PLAA: variants seen among roughly 807,000 people sequenced by gnomAD.
The protein encoded by PLAA is phospholipase A2 activating protein, also known as phospholipase A-2-activating protein.
In PLAA, 48 loss-of-function variants were observed where a neutral mutation model predicts 84.1. The ratio of observed to expected loss-of-function variants is 0.57; its 90% CI spans 0.45 to 0.73. PLAA has a LOEUF of 0.73. Among genes scored for constraint, PLAA ranks in the 30% least tolerant of loss-of-function variants. The pLI, the probability that PLAA is intolerant of heterozygous loss-of-function variation, is 0.00. For synonymous variants in PLAA, 392 were observed against 336.6 expected (o/e 1.16, Z -1.80); for missense variants, 903 against 954.7 (o/e 0.95, Z 0.71).
intron 1 of PLAA, among the ~76,000 whole-genome samples, chr9:26,939,484 C>CA (rs58833364): frequency 0.02 from 1,560 of 76,744 alleles, 18 homozygotes; most frequent in African/African-American, 0.024. Flanking sequence ...GATGAGAGAC[C>CA]AAAAAAAAAA....
rs1455623501 is a variant in PLAA at position 26,928,182 on chromosome 9, A to C, written c.483T>G (p.Pro161=). ...ATCCAGTCAACATTAAGCCCTGTTC[A>C]GGTAAGATCTTTACCGCCCACACTG... ...TAAVWAVKIL[P]EQGLMLTGSA... The change falls in exon 4 of 14, where the codon CCT becomes CCG. Residue 161 remains proline, a synonymous_variant. Transcript: ENST00000397292. 1.2e-6 allele frequency: 2 copies of C among 1,614,196 alleles called. No homozygotes were observed. Among genetic ancestry groups the C allele is most frequent in the South Asian group, 2.2e-5 (2 of 91,084 alleles).
chr9:26,919,251 C>A, intron 9 of PLAA, 59 bp downstream of exon 9: 1 of 1,066,502 alleles, frequency 9.4e-7, no homozygotes, highest in Non-Finnish European at 1.4e-6. Context: ...TTGAAAACAT[C>A]AAAAAAATCA....
chr9:26,916,889 T>C (rs1000717723), intron 10 of PLAA, among the ~76,000 whole-genome samples: 3 of 151,888 alleles, frequency 2.0e-5, no homozygotes, highest in African/African-American at 7.3e-5. Context: ...TCTAATAATA[T>C]GCTATTTAAA....
chr9:26,934,953 T>A (rs987775083), intron 2 of PLAA, 60 bp downstream of exon 2: 1 of 1,255,582 alleles, frequency 8.0e-7, no homozygotes, highest in African/African-American at 1.6e-5. Context: ...GATATGTAAA[T>A]TTTACTTTCA....
At chr9:26,919,641 T>C (rs1022493675) in intron 8 of PLAA, 112 bp from the exon 9 acceptor site, 43 of 659,048 alleles carry the variant, frequency 6.5e-5, no homozygotes, top group Non-Finnish European at 7.8e-6. Context: ...ACTTAAACTT[T>C]CTCCAAAGTG....
chr9:26,905,641 A>G lies in PLAA; in HGVS notation c.2258T>C (p.Ile753Thr), dbSNP rs772205410. 11 of 1,614,072 alleles carry G rather than the reference A, an allele frequency of 6.8e-6. No homozygotes were observed. The highest frequency in any genetic ancestry group is 1.3e-5 in the African/African-American group (1 of 74,940). Reference protein sequence around the residue: ...FRLLVALGTLISDDSNAVQLA... With the variant: ...FRLLVALGTLTSDDSNAVQLA... ...TTGTACAGCATTTGAATCATCACTGATAAGTGTTCCAAGAGCCACAAGAAG... is the reference window on the plus strand; with the variant it reads ...TTGTACAGCATTTGAATCATCACTGGTAAGTGTTCCAAGAGCCACAAGAAG... Residue 753 changes from isoleucine (I) to threonine (T), a missense_variant, in exon 14 of 14, where the codon ATC (isoleucine) becomes ACC (threonine). Transcript: ENST00000397292.
At chr9:26,929,829 T>C (rs904389680) in intron 2 of PLAA, among the ~76,000 whole-genome samples, 2 of 152,162 alleles carry the variant, frequency 1.3e-5, no homozygotes, top group African/African-American at 2.4e-5. Context: ...GAGGAGACTT[T>C]TGGATTGTTT....
chr9:26,915,705 C>T, intron 10 of PLAA: 1 of 984,632 alleles, frequency 1.0e-6, no homozygotes, highest in Non-Finnish European at 1.2e-6. Context: ...ATTGTGTATG[C>T]TATCTTGCAT....
At chr9:26,922,735 C>T (rs375610276) in intron 7 of PLAA, among the ~76,000 whole-genome samples, 2 of 150,236 alleles carry the variant, frequency 1.3e-5, no homozygotes, top group Admixed American at 6.7e-5. Context: ...GGTGTGGTGT[C>T]GGCTCACCGC....
Position 26,926,375 on chromosome 9 carries a change from A to G in PLAA, c.733+18T>C. 1 of 1,490,490 alleles carries G rather than the reference A, an allele frequency of 6.7e-7. No individual in the cohort carries two copies. The highest frequency in any genetic ancestry group is 9.3e-7 in the Non-Finnish European group (1 of 1,069,872). 92.3% of individuals were successfully genotyped at this position (1,490,490 alleles called of 1,614,324 possible). On this transcript the variant is annotated intron_variant, in intron 5 of 13. Coordinates refer to ENST00000397292, the MANE Select transcript of PLAA (RefSeq NM_001031689.3). ...GCTCAATACAAAACATTAAATAAAT[A>G]GCATAAAATAATCTTACCTCTACAA...
rs1412916371 is a variant in PLAA, at chr9:26,905,272, T to C, written c.*239A>G. On this transcript the variant is annotated 3_prime_UTR_variant, in exon 14 of 14. Transcript: ENST00000397292. ...TCATTGTCATTGTGTTGTTGCTGAT[T>C]ATAGCTTATTTTAAATTTGTGTTCA... 6.3e-6 allele frequency: 3 copies of C among 474,832 alleles called. No homozygotes were observed. Among genetic ancestry groups the C allele is most frequent in the Admixed American group, 7.7e-5 (2 of 25,824 alleles). The allele number at this position is 474,832 out of a possible 1,614,324, so 29.4% of individuals were successfully genotyped here.
Position 26,910,782 on chromosome 9 carries a change from G to A in PLAA, c.1556-343C>T, listed in dbSNP as rs76725609. Among the ~76,000 whole-genome samples the A allele has an allele frequency of 1.2e-3, 177 of 151,644 alleles. No individual in the cohort carries two copies. The East Asian group carries it at 0.022, about 19-fold the overall frequency. ...AAGCAATCCTCCCACCTCAGCCTCC[G>A]AAAGTGCTGGGATTACAGGTGTGAG... On this transcript the variant is annotated intron_variant, in intron 11 of 13. Transcript: ENST00000397292.
intron 2 of PLAA, among the ~76,000 whole-genome samples, chr9:26,930,800 C>T (rs1455959439): frequency 1.3e-5 from 2 of 151,398 alleles, no homozygotes; most frequent in African/African-American, 4.9e-5. Context: ...TCAGGCTGGT[C>T]GTGAACTCCT....
intron 11 of PLAA, among the ~76,000 whole-genome samples, chr9:26,911,427 A>C (rs563582013): frequency 6.6e-6 from 1 of 152,222 alleles, no homozygotes; most frequent in Admixed American, 6.5e-5. Flanking sequence ...CTGGGATTAC[A>C]GGCATAAGCC....
At chr9:26,911,509 G>A (rs116229523) in intron 11 of PLAA, among the ~76,000 whole-genome samples, 10,477 of 152,066 alleles carry the variant, frequency 0.069, 499 homozygotes, top group African/African-American at 0.13. Context: ...GGCTGGTCTC[G>A]AACTCCTGAC....
At chr9:26,943,637 T>A (rs1236740185) in intron 1 of PLAA, among the ~76,000 whole-genome samples, 1 of 152,160 alleles carries the variant, frequency 6.6e-6, no homozygotes, top group African/African-American at 2.4e-5. Flanking sequence ...TTATAGCATT[T>A]CATTAACTCT....
At chr9:26,919,172 C>T in intron 9 of PLAA, 138 bp downstream of exon 9, 1 of 522,308 alleles carries the variant, frequency 1.9e-6, no homozygotes, top group Non-Finnish European at 3.4e-6. Context: ...GAGGCTTAAA[C>T]ATATGAATGT....
intron 13 of PLAA, 94 bp downstream of exon 13, chr9:26,907,740 A>C: frequency 9.0e-7 from 1 of 1,109,938 alleles, no homozygotes; most frequent in Non-Finnish European, 1.3e-6. Flanking sequence ...ACCGAAGTTA[A>C]CTTTCATTTA....
chr9:26,929,620 T>A (rs1825104711), intron 2 of PLAA, among the ~76,000 whole-genome samples: 1 of 152,222 alleles, frequency 6.6e-6, no homozygotes, highest in Non-Finnish European at 1.5e-5. Context: ...TACCCTGAGC[T>A]GAGGATCCTT....
Sources: gnomAD v4.1 joint callset for allele counts (sites outside exome capture counted in the v4.1 genomes callset) on GRCh38, gnomAD v4.1.1 for gene constraint, MANE v1.5 for transcripts, NCBI Gene and HGNC (gene_info 2026-07-23, HGNC 2026-07-21) for gene names.